The following GPC6 variants were observed in gnomAD, a reference collection of about 807,000 sequenced individuals.
GPC6 encodes the protein glypican 6, also known as glypican-6.
A neutral mutation model predicts 55.2 loss-of-function variants in GPC6; 14 were observed. The observed-to-expected ratio is 0.25, with a 90% CI of 0.17 to 0.40. The LOEUF is 0.40. GPC6 is among the 10% of genes least tolerant of loss of function. GPC6 has a pLI of 1.00. For missense variants in GPC6, 641 were observed against 708.5 expected (o/e 0.90, Z 1.08); for synonymous variants, 278 against 259.6 (o/e 1.07, Z -0.68).
chr13:93,447,452 C>T (rs1878050535), intron 1 of GPC6, among the ~76,000 whole-genome samples: 1 of 152,022 alleles, frequency 6.6e-6, no homozygotes, highest in Non-Finnish European at 1.5e-5. Context: ...CACATTAGAC[C>T]ATAGGTTAAT....
chr13:93,891,523 T>A (rs149694476), intron 3 of GPC6, among the ~76,000 whole-genome samples: 1 of 152,296 alleles, frequency 6.6e-6, no homozygotes, highest in East Asian at 1.9e-4. Context: ...GGTCACCAGC[T>A]GTTTGAGGCA....
chr13:94,097,450 T>C (rs1278539858), intron 4 of GPC6, among the ~76,000 whole-genome samples: 1 of 135,650 alleles, frequency 7.4e-6, no homozygotes, highest in African/African-American at 2.8e-5. Flanking sequence ...GAGCTTGCAG[T>C]GAGCGGAGAT....
At chr13:93,790,785 T>C (rs559775804) in intron 2 of GPC6, among the ~76,000 whole-genome samples, 4 of 152,310 alleles carry the variant, frequency 2.6e-5, no homozygotes, top group African/African-American at 7.2e-5. Context: ...ACATGAGTTA[T>C]ACTGCAGCTT....
chr13:93,703,529 T>C (rs547866119), intron 2 of GPC6, among the ~76,000 whole-genome samples: 1 of 151,954 alleles, frequency 6.6e-6, no homozygotes, highest in Non-Finnish European at 1.5e-5. Flanking sequence ...AATATCTGCA[T>C]AGTGCAATAA....
intron 6 of GPC6, among the ~76,000 whole-genome samples, chr13:94,308,398 TATAA>T (rs1377304860): frequency 6.6e-6 from 1 of 152,240 alleles, no homozygotes; most frequent in Non-Finnish European, 1.5e-5. Flanking sequence ...ATGCTCTAGC[TATAA>T]AGGTCTCGAG....
At chr13:93,309,402 G>C (rs1248728299) in intron 1 of GPC6, among the ~76,000 whole-genome samples, 1 of 151,008 alleles carries the variant, frequency 6.6e-6, no homozygotes, top group Admixed American at 6.6e-5. Flanking sequence ...ATTTATGCTT[G>C]TTCTCATTTT....
intron 2 of GPC6, among the ~76,000 whole-genome samples, chr13:93,592,402 A>T (rs56211555): frequency 0.12 from 17,233 of 146,682 alleles, 2,292 homozygotes; most frequent in African/African-American, 0.32. Context: ...TTAATATATA[A>T]ATATAAATAT....
At chr13:93,527,873 G>A (rs1193027701) in intron 1 of GPC6, among the ~76,000 whole-genome samples, 1 of 152,016 alleles carries the variant, frequency 6.6e-6, no homozygotes, top group Non-Finnish European at 1.5e-5. Flanking sequence ...ATGGAGGGAG[G>A]CAATTAAAGA....
At chr13:93,381,566 C>G (rs997405202) in intron 1 of GPC6, among the ~76,000 whole-genome samples, 1 of 152,092 alleles carries the variant, frequency 6.6e-6, no homozygotes, top group African/African-American at 2.4e-5. Flanking sequence ...TTGTGGGCAA[C>G]ATGTCTCACT....
intron 2 of GPC6, among the ~76,000 whole-genome samples, chr13:93,759,475 G>A (rs901539636): frequency 2.0e-5 from 3 of 152,082 alleles, no homozygotes; most frequent in African/African-American, 7.2e-5. Context: ...TTTACATCAG[G>A]CATTTTGAGC....
chr13:94,136,240 A>T (rs1887180405), intron 4 of GPC6, among the ~76,000 whole-genome samples: 3 of 144,150 alleles, frequency 2.1e-5, no homozygotes, highest in African/African-American at 5.2e-5. Flanking sequence ...TTTCATACCT[A>T]GTACTAATTA....
intron 4 of GPC6, among the ~76,000 whole-genome samples, chr13:94,086,848 A>G (rs547092998): frequency 2.9e-4 from 44 of 152,276 alleles, no homozygotes; most frequent in Non-Finnish European, 2.2e-4. Context: ...TTAATAAAAC[A>G]CAGTTTTTCT....
At chr13:93,930,988 G>A (rs1471049692) in intron 3 of GPC6, among the ~76,000 whole-genome samples, 1 of 152,016 alleles carries the variant, frequency 6.6e-6, no homozygotes, top group Non-Finnish European at 1.5e-5. Context: ...GTGGAGAGGT[G>A]CTATACACTT....
At chr13:93,554,755 A>G (rs887214383) in intron 2 of GPC6, among the ~76,000 whole-genome samples, 1 of 152,214 alleles carries the variant, frequency 6.6e-6, no homozygotes, top group Admixed American at 6.5e-5. Context: ...CCCTTAGACA[A>G]GAACAGGATC....
chr13:93,943,766 A>G (rs1245407919), intron 3 of GPC6, among the ~76,000 whole-genome samples: 1 of 152,214 alleles, frequency 6.6e-6, no homozygotes, highest in African/African-American at 2.4e-5. Flanking sequence ...TAAAAAAGCA[A>G]AAACCCCAAG....
intron 2 of GPC6, among the ~76,000 whole-genome samples, chr13:93,734,726 T>C (rs1332878034): frequency 2.6e-5 from 4 of 152,178 alleles, no homozygotes; most frequent in African/African-American, 4.8e-5. Flanking sequence ...TTGGCTCTGA[T>C]GGAAATTTTT....
intron 1 of GPC6, among the ~76,000 whole-genome samples, chr13:93,251,456 A>G (rs565132550): frequency 3.9e-5 from 6 of 152,232 alleles, no homozygotes; most frequent in African/African-American, 1.4e-4. Flanking sequence ...TACATAAACA[A>G]TATGAAAACT....
At chr13:93,486,002 C>T (rs750562621) in intron 1 of GPC6, among the ~76,000 whole-genome samples, 2 of 152,056 alleles carry the variant, frequency 1.3e-5, no homozygotes, top group Non-Finnish European at 2.9e-5. Flanking sequence ...AATATGTACA[C>T]TTTAGGGTAG....
chr13:93,249,893 C>T (rs138938922), intron 1 of GPC6, among the ~76,000 whole-genome samples: 11 of 152,330 alleles, frequency 7.2e-5, no homozygotes, highest in Admixed American at 2.6e-4. Flanking sequence ...TTCTCCTTCT[C>T]CTTCTCTTCT....
Sources: gnomAD v4.1 joint callset for allele counts (sites outside exome capture counted in the v4.1 genomes callset) on GRCh38, gnomAD v4.1.1 for gene constraint, MANE v1.5 for transcripts, NCBI Gene and HGNC (gene_info 2026-07-23, HGNC 2026-07-21) for gene names.